The following FGF14 variants were observed in gnomAD, a reference collection of about 807,000 sequenced individuals.
FGF14 encodes fibroblast growth factor 14.
A neutral mutation model predicts 25.5 loss-of-function variants in FGF14; 5 were observed. The observed-to-expected ratio is 0.20, with a 90% CI of 0.10 to 0.41. The LOEUF is 0.41. Among genes scored for constraint, FGF14 ranks in the 10% least tolerant of loss-of-function variants. The pLI, the probability that FGF14 is intolerant of heterozygous loss-of-function variation, is 1.00. For missense variants in FGF14, 222 were observed against 320.1 expected (o/e 0.69, Z 2.34); for synonymous variants, 138 against 118.3 (o/e 1.17, Z -1.08).
At chr13:102,342,781 G>A (rs1265339014) in intron 1 of FGF14, among the ~76,000 whole-genome samples, 1 of 152,096 alleles carries the variant, frequency 6.6e-6, no homozygotes, top group African/African-American at 2.4e-5. Flanking sequence ...CAGAACACCA[G>A]TGGAGGGCAA....
chr13:101,738,493 A>G (rs1490924634), intron 3 of FGF14, among the ~76,000 whole-genome samples: 2 of 152,202 alleles, frequency 1.3e-5, no homozygotes, highest in African/African-American at 2.4e-5. Flanking sequence ...ATGAGTCCCC[A>G]GATTCTGGCA....
chr13:101,882,842 A>G (rs726141), intron 1 of FGF14, among the ~76,000 whole-genome samples: 51,490 of 152,012 alleles, frequency 0.34, 9,064 homozygotes, highest in African/African-American at 0.43. Flanking sequence ...AAAGAAAGGT[A>G]CAAACATCTG....
At chr13:101,738,199 C>G (rs1178213183) in intron 3 of FGF14, among the ~76,000 whole-genome samples, 1 of 152,202 alleles carries the variant, frequency 6.6e-6, no homozygotes, top group African/African-American at 2.4e-5. Flanking sequence ...GATTAAGAAG[C>G]ATTTATTTCT....
intron 3 of FGF14, among the ~76,000 whole-genome samples, chr13:101,838,357 C>T (rs987178876): frequency 2.6e-5 from 4 of 151,944 alleles, no homozygotes; most frequent in African/African-American, 7.2e-5. Flanking sequence ...ATGGAGACAG[C>T]GGGCTCCCCT....
At chr13:102,376,294 C>T (rs2058038942) in intron 1 of FGF14, among the ~76,000 whole-genome samples, 1 of 152,166 alleles carries the variant, frequency 6.6e-6, no homozygotes, top group Non-Finnish European at 1.5e-5. Context: ...TAAGATGTGA[C>T]TTTGCTCCAC....
chr13:102,342,806 C>T (rs1024462154), intron 1 of FGF14, among the ~76,000 whole-genome samples: 1 of 152,082 alleles, frequency 6.6e-6, no homozygotes, highest in South Asian at 2.1e-4. Flanking sequence ...GGTCAATAGG[C>T]ACATTTCCAT....
At chr13:101,838,775 G>C (rs991386220) in intron 3 of FGF14, among the ~76,000 whole-genome samples, 1 of 151,996 alleles carries the variant, frequency 6.6e-6, no homozygotes, top group Non-Finnish European at 1.5e-5. Flanking sequence ...ATGCAAATAA[G>C]TTATACCTAA....
At chr13:102,217,755 C>T (rs188816442) in intron 1 of FGF14, among the ~76,000 whole-genome samples, 104 of 152,262 alleles carry the variant, frequency 6.8e-4, no homozygotes, top group Non-Finnish European at 1.1e-3. Context: ...ATGCAACCAA[C>T]GCAGCAAATG....
chr13:102,050,831 C>T (rs1312824777), intron 1 of FGF14, among the ~76,000 whole-genome samples: 1 of 152,112 alleles, frequency 6.6e-6, no homozygotes, highest in African/African-American at 2.4e-5. Context: ...ATCAGCATAC[C>T]TGAGACACCA....
At chr13:102,046,186 C>T (rs2041974493) in intron 1 of FGF14, among the ~76,000 whole-genome samples, 1 of 152,112 alleles carries the variant, frequency 6.6e-6, no homozygotes, top group African/African-American at 2.4e-5. Context: ...TCTCTCTAGT[C>T]AATTCCTACG....
At chr13:102,362,450 A>G (rs920738663) in intron 1 of FGF14, among the ~76,000 whole-genome samples, 7 of 152,246 alleles carry the variant, frequency 4.6e-5, no homozygotes, top group Non-Finnish European at 1.0e-4. Flanking sequence ...GGTAAGGAAT[A>G]GAGATATTGA....
intron 3 of FGF14, among the ~76,000 whole-genome samples, chr13:101,805,623 C>T (rs192167205): frequency 6.6e-6 from 1 of 152,106 alleles, no homozygotes; most frequent in Non-Finnish European, 1.5e-5. Flanking sequence ...CCAGTCTCTG[C>T]TAATCTGAAA....
intron 1 of FGF14, among the ~76,000 whole-genome samples, chr13:102,012,363 G>A (rs1452768274): frequency 6.6e-6 from 1 of 152,150 alleles, no homozygotes; most frequent in East Asian, 1.9e-4. Context: ...ACGGTGACAA[G>A]TAGTTACTCT....
At chr13:102,157,147 G>A (rs2047380990) in intron 1 of FGF14, among the ~76,000 whole-genome samples, 1 of 152,062 alleles carries the variant, frequency 6.6e-6, no homozygotes, top group South Asian at 2.1e-4. Flanking sequence ...CACAGAATTG[G>A]AAAAAACTAC....
intron 3 of FGF14, among the ~76,000 whole-genome samples, chr13:101,784,421 G>C (rs928182946): frequency 6.6e-6 from 1 of 152,048 alleles, no homozygotes; most frequent in Non-Finnish European, 1.5e-5. Flanking sequence ...ATCCCACAAG[G>C]CTCCACTTAT....
chr13:102,219,645 G>A (rs573429326), intron 1 of FGF14, among the ~76,000 whole-genome samples: 6 of 152,282 alleles, frequency 3.9e-5, no homozygotes, highest in Admixed American at 3.9e-4. Flanking sequence ...GGGTTCAGCT[G>A]TTGAAATTGA....
Position 101,718,121 on chromosome 13 carries a change from G to A in FGF14, c.*4710C>T, listed in dbSNP as rs375161820. On this transcript the variant is annotated 3_prime_UTR_variant, in exon 5 of 5. Coordinates refer to ENST00000376143, the MANE Select transcript of FGF14 (RefSeq NM_004115.4). The stretch of plus-strand genomic sequence containing the variant: ...TCATTTAGTTAGAAACCATAGTACC[G>A]GAACTGTATTATAGTAGAAGTTAAT... The A allele has an allele frequency of 4.6e-5, 7 of 152,052 alleles. No homozygotes were observed. Among genetic ancestry groups the A allele is most frequent in the South Asian group, 2.1e-4 (1 of 4,828 alleles). The allele number at this position is 152,052 out of a possible 1,614,324, so 9.4% of individuals were successfully genotyped here. A position where few individuals can be genotyped will look rare whatever the true frequency, so the allele number is the denominator to read the frequency against.
intron 1 of FGF14, among the ~76,000 whole-genome samples, chr13:102,382,257 GAATACAAAAAGAGCTCTTAC>G: frequency 6.6e-6 from 1 of 152,094 alleles, no homozygotes; most frequent in Non-Finnish European, 1.5e-5. Context: ...CTTGTATCTA[GAATACAAAAAGAGCTCTTAC>G]AACTCAAAAA....
intron 1 of FGF14, among the ~76,000 whole-genome samples, chr13:102,370,223 C>T (rs184212806): frequency 6.6e-6 from 1 of 152,208 alleles, no homozygotes; most frequent in East Asian, 1.9e-4. Flanking sequence ...GAACTCCTGG[C>T]CTCAAGTGAT....
Sources: gnomAD v4.1 joint callset for allele counts (sites outside exome capture counted in the v4.1 genomes callset) on GRCh38, gnomAD v4.1.1 for gene constraint, MANE v1.5 for transcripts, NCBI Gene and HGNC (gene_info 2026-07-23, HGNC 2026-07-21) for gene names.